The following PSG11 variants were observed in gnomAD, a reference collection of about 807,000 sequenced individuals.
The protein encoded by PSG11 is pregnancy-specific beta-1-glycoprotein 11.
Under a neutral mutation model 36.0 loss-of-function variants are expected in PSG11, and 42 were observed. That is an observed-to-expected ratio of 1.17 (90% CI 0.91 to 1.51). PSG11 has a LOEUF of 1.51. Ranked by LOEUF, PSG11 falls within the 40% of genes most tolerant of loss-of-function variation. The pLI is 0.00. For synonymous variants in PSG11, 206 were observed against 153.5 expected (o/e 1.34, Z -2.53); for missense variants, 558 against 403.5 (o/e 1.38, Z -3.28).
chr19:43,018,455 G>C, intron 3 of PSG11: 1 of 523,426 alleles, frequency 1.9e-6, no homozygotes, highest in Non-Finnish European at 3.3e-6. Context: ...GTGACCCTGT[G>C]AGCCAAGTCG....
intron 2 of PSG11, among the ~76,000 whole-genome samples, chr19:43,022,310 C>T (rs1052903541): frequency 5.3e-5 from 8 of 151,340 alleles, no homozygotes; most frequent in African/African-American, 9.8e-5. Flanking sequence ...TTCTGGCAAC[C>T]AGCTGACCTC....
rs1292280786 is a variant in PSG11 at position 43,015,268 on chromosome 19, T to C, written c.812A>G (p.Tyr271Cys). ...CFANSNPPAQ[Y>C]SWTINGKFQL... The stretch of plus-strand genomic sequence containing the variant: ...AAACTTCCCATTAATTGTCCAAGAA[T>C]ACTGTGCTGGTGGGTTAGAGTTTGC... Residue 271 changes from tyrosine to cysteine, a missense_variant, in exon 4 of 6, where the codon TAT (tyrosine) becomes TGT (cysteine). Transcript: ENST00000320078. The C allele has an allele frequency of 1.2e-6, 2 of 1,611,476 alleles. No individual in the cohort carries two copies. The highest frequency in any genetic ancestry group is 1.3e-5 in the African/African-American group (1 of 74,534).
At chr19:43,023,213 A>C (rs1967146941) in intron 2 of PSG11, among the ~76,000 whole-genome samples, 1 of 150,418 alleles carries the variant, frequency 6.6e-6, no homozygotes, top group Non-Finnish European at 1.5e-5. Context: ...CAGCCTCTGA[A>C]GGACAAGGGA....
chr19:43,009,904 C>T (rs769239348), intron 5 of PSG11, 54 bp downstream of exon 5: 1 of 1,385,330 alleles, frequency 7.2e-7, no homozygotes, highest in Non-Finnish European at 1.0e-6. Flanking sequence ...TTCCCTCTCC[C>T]AAGCATGGCA....
intron 2 of PSG11, among the ~76,000 whole-genome samples, chr19:43,022,893 G>A (rs1268092154): frequency 6.6e-6 from 1 of 150,576 alleles, no homozygotes; most frequent in Non-Finnish European, 1.5e-5. Flanking sequence ...AGAACAGCCA[G>A]CCTAGTTAGA....
rs182288299 is a variant in PSG11 at position 43,016,319 on chromosome 19, C to A, written c.710-949G>T. ...ACAGATACGTCAGTGGGAGTCACAG[C>A]CCCTGGTACCCCTCCCAGTCCCTCC... is the stretch of plus-strand genomic sequence containing the variant. On this transcript the variant is annotated intron_variant, in intron 3 of 5. Transcript: ENST00000320078. 1.8e-3 allele frequency among the ~76,000 whole-genome samples: 270 copies of A among 151,390 alleles called. 10 individuals carry two copies. Among genetic ancestry groups the A allele is most frequent in the Non-Finnish European group, 2.8e-3 (191 of 67,858 alleles).
chr19:43,025,916 CTTTTTTTTTTTTTTTTTCTCTTTTT>C (rs1421899040), intron 1 of PSG11, among the ~76,000 whole-genome samples: 26 of 62,000 alleles, frequency 4.2e-4, no homozygotes, highest in African/African-American at 1.1e-3. Context: ...GCCTTCTTTC[CTTTTTTTTTTTTTTTTTCTCTTTTT>C]TTTTTTTTTT....
At chr19:43,016,299 T>C (rs369716526) in intron 3 of PSG11, among the ~76,000 whole-genome samples, 6 of 151,340 alleles carry the variant, frequency 4.0e-5, no homozygotes, top group African/African-American at 7.3e-5. Flanking sequence ...CATGGACAGA[T>C]ACGTCAGTGG....
At chr19:43,018,449 C>T (rs1473111453) in intron 3 of PSG11, 3 of 501,856 alleles carry the variant, frequency 6.0e-6, no homozygotes, top group East Asian at 7.9e-5. Flanking sequence ...GCCACAGTGA[C>T]CCTGTGAGCC....
chr19:43,010,745 G>C (rs547798406), intron 4 of PSG11: 1 of 159,510 alleles, frequency 6.3e-6, no homozygotes, highest in Non-Finnish European at 1.4e-5. Flanking sequence ...ATAAATTATC[G>C]TTTAGGTCTA....
intron 4 of PSG11, among the ~76,000 whole-genome samples, chr19:43,013,511 C>T (rs111248899): frequency 0.023 from 3,416 of 151,326 alleles, 250 homozygotes; most frequent in African/African-American, 0.076. Flanking sequence ...TGCAAAGTTC[C>T]TCAGCATCAT....
chr19:43,026,259 A>G, intron 1 of PSG11, 50 bp downstream of exon 1: 1 of 1,605,994 alleles, frequency 6.2e-7, no homozygotes, highest in African/African-American at 1.4e-5. Flanking sequence ...GACCCCATCC[A>G]GTCACTCTGC....
chr19:43,022,199 T>G (rs892579118), intron 2 of PSG11, among the ~76,000 whole-genome samples: 10 of 151,568 alleles, frequency 6.6e-5, no homozygotes, highest in Non-Finnish European at 1.2e-4. Context: ...CAATGTCATT[T>G]GGCAAGGGTT....
intron 1 of PSG11, among the ~76,000 whole-genome samples, chr19:43,025,683 G>GT (rs1697065437): frequency 7.0e-6 from 1 of 143,734 alleles, no homozygotes; most frequent in African/African-American, 2.6e-5. Context: ...AATTGTTGAG[G>GT]TTTTTTATTG....
At chr19:43,015,717 G>A (rs1219266629) in intron 3 of PSG11, 2 of 1,601,266 alleles carry the variant, frequency 1.2e-6, no homozygotes, top group Admixed American at 3.4e-5. Context: ...CTGGCCCCTG[G>A]TCGTTTGGAT....
intron 1 of PSG11, 46 bp downstream of exon 1, chr19:43,026,263 A>T: frequency 6.2e-7 from 1 of 1,606,156 alleles, no homozygotes; most frequent in East Asian, 2.3e-5. Flanking sequence ...CCATCCAGTC[A>T]CTCTGCTTCC....
Position 43,013,269 on chromosome 19 carries a change from C to G in PSG11, c.964+1847G>C, listed in dbSNP as rs1011181179. ...AATAAAATCAATAAATCGGACTTCA[C>G]AAAAATCAAAACCTTTTATATATCA... On this transcript the variant is annotated intron_variant, in intron 4 of 5. Coordinates refer to ENST00000320078, the MANE Select transcript of PSG11 (RefSeq NM_002785.3). Among the ~76,000 whole-genome samples, 5 of 151,352 alleles carry G rather than the reference C, an allele frequency of 3.3e-5. No individual in the cohort carries two copies. The South Asian group carries it at 1.0e-3, about 32-fold the overall frequency.
At chr19:43,018,630 G>T (rs1451392118) in intron 3 of PSG11, 140 bp downstream of exon 3, 4 of 1,572,362 alleles carry the variant, frequency 2.5e-6, no homozygotes, top group Non-Finnish European at 3.5e-6. Flanking sequence ...GGTTTGTCTG[G>T]GGCAGAAAGT....
intron 2 of PSG11, 168 bp downstream of exon 2, chr19:43,024,523 G>C (rs1252540467): frequency 3.0e-6 from 4 of 1,344,176 alleles, no homozygotes; most frequent in Non-Finnish European, 4.1e-6. Flanking sequence ...ATTCTGATCT[G>C]TTGAAATTTG....
Sources: gnomAD v4.1 joint callset for allele counts (sites outside exome capture counted in the v4.1 genomes callset) on GRCh38, gnomAD v4.1.1 for gene constraint, MANE v1.5 for transcripts, NCBI Gene and HGNC (gene_info 2026-07-23, HGNC 2026-07-21) for gene names.